The following GUCY2D variants were observed in gnomAD, a reference collection of about 807,000 sequenced individuals.
GUCY2D encodes guanylate cyclase 2D, retinal.
In GUCY2D, 70 loss-of-function variants were observed where a neutral mutation model predicts 101.3. The observed-to-expected ratio is 0.69, with a 90% CI of 0.57 to 0.84. The LOEUF (loss-of-function observed/expected upper bound fraction) is 0.84. Among genes scored for constraint, GUCY2D ranks in the 40% least tolerant of loss-of-function variants. GUCY2D has a pLI of 0.00. For missense variants in GUCY2D, 1,460 were observed against 1,542.5 expected (o/e 0.95, Z 0.90); for synonymous variants, 688 against 670.7 (o/e 1.03, Z -0.40).
chr17:8,009,249 C>T lies in GUCY2D; in HGVS notation c.1669-257C>T, dbSNP rs1409359477. On this transcript the variant is annotated intron_variant, in intron 7 of 19. Transcript: ENST00000254854. ...GGTTGTATTAATGCACTTAATAGGA[C>T]TATTGGTGGGCACAGCTGGGTTGGT... 3.3e-5 allele frequency among the ~76,000 whole-genome samples: 5 copies of T among 152,168 alleles called. No homozygotes were observed. In the East Asian group the frequency reaches 9.6e-4, roughly 29 times the overall value.
At position 8,002,749 on chromosome 17, in the gene GUCY2D, C is replaced by T; in HGVS notation, c.-10+15C>T. The T allele has an allele frequency of 2.6e-6, 1 of 385,022 alleles. No homozygotes were observed. The highest frequency in any genetic ancestry group is 4.6e-6 in the Non-Finnish European group (1 of 215,512). 23.9% of individuals were successfully genotyped at this position (385,022 alleles called of 1,614,324 possible). On this transcript the variant is annotated intron_variant, in intron 1 of 19. Transcript: ENST00000254854. This position sits in a 1 kb window ranked among gnomAD's most constrained non-coding sequence, Gnocchi z 4.9. ...CGGACTTCCCTGTAAATGTCAGAGGCCCCTCCGCTGGGATAGGGTCGGTCT... is the reference window on the plus strand; with the variant it reads ...CGGACTTCCCTGTAAATGTCAGAGGTCCCTCCGCTGGGATAGGGTCGGTCT...
chr17:8,003,947 C>T lies in GUCY2D; in HGVS notation c.817C>T (p.Leu273=). 1 of 1,613,744 alleles carries T rather than the reference C, an allele frequency of 6.2e-7. No homozygotes were observed. Residue 273 remains leucine (L), a synonymous_variant, in exon 3 of 20, where the codon CTG becomes TTG. Transcript: ENST00000254854. ...GGAGCTGGGCCTGACCGATGGCTCC[C>T]TGGTCTTCCTGCCCTTCGACACGAT... ...AEELGLTDGS[L]VFLPFDTIHY...
At position 8,014,635 on chromosome 17, in the gene GUCY2D, T is replaced by G; in HGVS notation, c.2447T>G (p.Ile816Ser). 1 of 1,614,036 alleles carries G rather than the reference T, an allele frequency of 6.2e-7. No individual in the cohort carries two copies. ...ATCAACAAGGGCCGGAAGACGAACA[T>G]CATTGACTCGATGCTTCGGATGCTG... The part of the protein sequence containing the change: ...KNINKGRKTN[I>S]IDSMLRMLEQ... Residue 816 changes from isoleucine to serine, a missense_variant, in exon 13 of 20, where the codon ATC (isoleucine) becomes AGC (serine). Physicochemically the swap from Ile to Ser is moderately radical, Grantham distance 142. Coordinates refer to ENST00000254854, the MANE Select transcript of GUCY2D (RefSeq NM_000180.4). The surrounding 1 kb of genome is among the most constrained non-coding windows in gnomAD (Gnocchi z 4.0).
rs556306503 is a variant in GUCY2D, at chr17:8,019,355, A to G, written c.*25-773A>G. On this transcript the variant is annotated intron_variant, in intron 19 of 19. Coordinates refer to ENST00000254854, the MANE Select transcript of GUCY2D (RefSeq NM_000180.4). ...ATTAGGTGCAGAGGGATTAGCTGGG[A>G]CAGGCTTAGGCAGGGCTCCTCCCGG... 3.9e-5 allele frequency among the ~76,000 whole-genome samples: 6 copies of G among 152,336 alleles called. No individual in the cohort carries two copies. In the South Asian group the frequency reaches 6.2e-4, roughly 16 times the overall value.
rs1976046008 is a variant in GUCY2D at position 8,020,128 on chromosome 17, G to A, written c.*25G>A. The stretch of plus-strand genomic sequence containing the variant: ...TTTTTTTTTTTGTGCTTCTCCTTAG[G>A]GTCTGGGCCCTGCTCCCTGTCCCAT... On this transcript the variant is annotated splice_region_variant and 3_prime_UTR_variant, in exon 20 of 20. Transcript: ENST00000254854. 7.0e-6 allele frequency: 1 copy of A among 142,430 alleles called. No individual in the cohort carries two copies. The highest frequency in any genetic ancestry group is 1.5e-5 in the Non-Finnish European group (1 of 66,400). 8.8% of individuals were successfully genotyped at this position (142,430 alleles called of 1,614,324 possible). A position where few individuals can be genotyped will look rare whatever the true frequency, so the allele number is the denominator to read the frequency against.
intron 19 of GUCY2D, among the ~76,000 whole-genome samples, chr17:8,019,751 T>C (rs1976038510): frequency 6.6e-6 from 1 of 152,228 alleles, no homozygotes; most frequent in Non-Finnish European, 1.5e-5. Context: ...GTTTCCACCA[T>C]TTCTCTGGAA....
In GUCY2D at chr17:8,014,271, C is replaced by T. The variant is rs1975917345; in HGVS notation, c.2412+243C>T. The T allele has an allele frequency of 4.9e-6, 3 of 608,328 alleles. No individual in the cohort carries two copies. The highest frequency in any genetic ancestry group is 3.7e-5 in the African/African-American group (2 of 54,044). 37.7% of individuals were successfully genotyped at this position (608,328 alleles called of 1,614,324 possible). On this transcript the variant is annotated intron_variant, in intron 12 of 19. Transcript: ENST00000254854. This position sits in a 1 kb window ranked among gnomAD's most constrained non-coding sequence, Gnocchi z 4.0. ...GGAATATTCAATTCAATTCAAATAA[C>T]ACTGATTGAGAACCAAGTATGTGCT...
In GUCY2D at chr17:8,015,818, C is replaced by T; in HGVS notation, c.3020C>T (p.Ser1007Leu). The T allele has an allele frequency of 6.2e-7, 1 of 1,612,404 alleles. No homozygotes were observed. The part of the protein sequence containing the change: ...CLFGDTVNTA[S>L]RMESTGLPYR... ...TTTGGGGACACGGTCAACACCGCCT[C>T]GCGCATGGAGTCCACCGGGCTGCGT... The change falls in exon 16 of 20, where the codon TCG becomes TTG. Residue 1007 changes from serine to leucine, a missense_variant. Physicochemically the swap from Ser to Leu is moderately radical, Grantham distance 145. Coordinates refer to ENST00000254854, the MANE Select transcript of GUCY2D (RefSeq NM_000180.4).
chr17:8,015,765 G>T lies in GUCY2D; in HGVS notation c.2967G>T (p.Val989=). Reference sequence around the variant, plus strand: ...CAGGTCCATGCGTGGCAGGCGTGGTGGGCCTCACCATGCCGCGGTACTGCC... The same window carrying T: ...CAGGTCCATGCGTGGCAGGCGTGGTTGGCCTCACCATGCCGCGGTACTGCC... ...LHSGPCVAGV[V]GLTMPRYCLF... The change falls in exon 16 of 20, where the codon GTG becomes GTT. Residue 989 remains valine, a synonymous_variant. Transcript: ENST00000254854. 6.2e-7 allele frequency: 1 copy of T among 1,611,248 alleles called. No homozygotes were observed. The highest frequency in any genetic ancestry group is 2.2e-5 in the East Asian group (1 of 44,762).
At chr17:8,008,101 G>A (rs1423278160) in intron 7 of GUCY2D, 69 bp downstream of exon 7, 1 of 948,386 alleles carries the variant, frequency 1.1e-6, no homozygotes, top group African/African-American at 1.6e-5. Flanking sequence ...CAGAGGGGAG[G>A]CGCACTCTCA....
At chr17:8,006,262 G>C in intron 3 of GUCY2D, 101 bp from the exon 4 acceptor site, 1 of 855,508 alleles carries the variant, frequency 1.2e-6, no homozygotes, top group South Asian at 1.4e-5. Flanking sequence ...CTAACTGGAA[G>C]GTGGCAACAG....
At chr17:8,016,777 G>C (rs1352157257) in intron 19 of GUCY2D, 2 of 549,016 alleles carry the variant, frequency 3.6e-6, no homozygotes, top group Non-Finnish European at 6.5e-6. Flanking sequence ...CGTAATCGGG[G>C]CCTTCTGTGG....
At chr17:8,016,636 AT>A in intron 19 of GUCY2D, 82 bp downstream of exon 19, 1 of 727,474 alleles carries the variant, frequency 1.4e-6, no homozygotes, top group Non-Finnish European at 2.4e-6. Context: ...AGGTGTCCCG[AT>A]CCCTTTCTGA....
intron 8 of GUCY2D, among the ~76,000 whole-genome samples, chr17:8,010,160 C>T (rs1163100110): frequency 6.6e-6 from 1 of 152,010 alleles, no homozygotes; most frequent in Non-Finnish European, 1.5e-5. Flanking sequence ...CTCCTCACTC[C>T]CCTCCATTGT....
chr17:8,016,289 G>C lies in GUCY2D; in HGVS notation c.3223G>C (p.Gly1075Arg), dbSNP rs754266653. The change falls in exon 18 of 20, where the codon GGG (glycine) becomes CGG (arginine). Residue 1075 changes from glycine to arginine, a missense_variant and splice_region_variant. By Grantham distance (125) the Gly-to-Arg change is moderately radical. Around this residue, in one of 3 missense-constraint regions of GUCY2D, gnomAD observed 215 missense variants for 227.9 expected, o/e 0.94. Coordinates refer to ENST00000254854, the MANE Select transcript of GUCY2D (RefSeq NM_000180.4). Reference sequence around the variant, plus strand: ...CCCCAAACCGCCTGACCTGCAACCGGGGTGAGGGGCCGGCCTCCGCGGCAG... The same window carrying C: ...CCCCAAACCGCCTGACCTGCAACCGCGGTGAGGGGCCGGCCTCCGCGGCAG... ...PIPKPPDLQP[G>R]SSNHGISLQE... is the part of the protein sequence containing the mutation. The C allele has an allele frequency of 6.4e-7, 1 of 1,564,142 alleles. No individual in the cohort carries two copies. The highest frequency in any genetic ancestry group is 2.3e-5 in the East Asian group (1 of 42,844).
chr17:8,006,417 G>A lies in GUCY2D; in HGVS notation c.1081G>A (p.Val361Met), dbSNP rs186508466. 5.1e-4 allele frequency: 815 copies of A among 1,602,704 alleles called. No individual in the cohort carries two copies. Among genetic ancestry groups the A allele is most frequent in the Non-Finnish European group, 6.2e-4 (733 of 1,179,964 alleles). ...CGCGGTCTTCTTGCTGGCAAGGGGCGTGGCAGAAGCGCGGGCTGCCGCAGG... is the reference window on the plus strand; with the variant it reads ...CGCGGTCTTCTTGCTGGCAAGGGGCATGGCAGAAGCGCGGGCTGCCGCAGG... Reference protein sequence around the residue: ...YDAVFLLARGVAEARAAAGGR... With the variant: ...YDAVFLLARGMAEARAAAGGR... The change falls in exon 4 of 20, where the codon GTG (valine) becomes ATG (methionine). Residue 361 changes from valine (V) to methionine (M), a missense_variant. This residue lies in a region of GUCY2D where 1,196 missense variants were observed against 1,229.6 expected (regional missense o/e 0.97). Coordinates refer to ENST00000254854, the MANE Select transcript of GUCY2D (RefSeq NM_000180.4).
At position 8,003,981 on chromosome 17, in the gene GUCY2D, C is replaced by A. The variant is rs756851759; in HGVS notation, c.851C>A (p.Ala284Asp). ...CTGCCCTTCGACACGATCCACTACGCCTTGTCCCCAGGCCCGGAGGCCTTG... is the reference window on the plus strand; with the variant it reads ...CTGCCCTTCGACACGATCCACTACGACTTGTCCCCAGGCCCGGAGGCCTTG... The part of the protein sequence containing the change: ...VFLPFDTIHY[A>D]LSPGPEALAA... The change falls in exon 3 of 20, where the codon GCC becomes GAC. Residue 284 changes from alanine to aspartate, a missense_variant. Physicochemically the swap from Ala to Asp is moderately radical, Grantham distance 126 (BLOSUM62 -2). This residue lies in a region of GUCY2D where 1,196 missense variants were observed against 1,229.6 expected (regional missense o/e 0.97). Transcript: ENST00000254854. 1 of 1,613,728 alleles carries A rather than the reference C, an allele frequency of 6.2e-7. No individual in the cohort carries two copies. Among genetic ancestry groups the A allele is most frequent in the South Asian group, 1.1e-5 (1 of 91,090 alleles).
At chr17:8,010,975 C>G (rs932388249) in intron 8 of GUCY2D, among the ~76,000 whole-genome samples, 1 of 152,084 alleles carries the variant, frequency 6.6e-6, no homozygotes, top group Admixed American at 6.6e-5. Flanking sequence ...TCTTCCCTAA[C>G]TGAGGGAGGG....
chr17:8,019,583 A>G (rs902940747), intron 19 of GUCY2D, among the ~76,000 whole-genome samples: 1 of 152,082 alleles, frequency 6.6e-6, no homozygotes, highest in South Asian at 2.1e-4. Context: ...TCACAGATCT[A>G]GTGGGAGAAG....
Sources: gnomAD v4.1 joint callset for allele counts (sites outside exome capture counted in the v4.1 genomes callset) on GRCh38, gnomAD v4.1.1 for gene constraint, gnomAD v4.1.1 regional missense constraint, Gnocchi (gnomAD v3.1) non-coding constraint, MANE v1.5 for transcripts, NCBI Gene and HGNC (gene_info 2026-07-23, HGNC 2026-07-21) for gene names.